TSHZ2: variants seen among roughly 807,000 people sequenced by gnomAD.
TSHZ2 encodes the protein teashirt zinc finger homeobox 2.
TSHZ2 carries 21 observed loss-of-function variants against 74.4 expected under a neutral mutation model. The observed-to-expected ratio is 0.28, with a 90% CI of 0.20 to 0.41. The LOEUF is 0.41. Ranked by LOEUF, TSHZ2 falls within the 10% of genes least tolerant of loss-of-function variation. The pLI is 1.00. For synonymous variants in TSHZ2, 540 were observed against 515.3 expected, an observed-to-expected ratio of 1.05 and a Z score of -0.65; for missense variants, 1,244 against 1,293.5, an observed-to-expected ratio of 0.96 and a Z score of 0.59.
chr20:53,341,045 C>A (rs1980178538), intron 2 of TSHZ2, among the ~76,000 whole-genome samples: 1 of 152,194 alleles, frequency 6.6e-6, no homozygotes, highest in Admixed American at 6.5e-5. Context: ...GATTTAGGAT[C>A]CTTCAGGCCA....
chr20:53,143,503 C>G (rs919552461), intron 1 of TSHZ2, among the ~76,000 whole-genome samples: 3 of 152,108 alleles, frequency 2.0e-5, no homozygotes, highest in Non-Finnish European at 4.4e-5. Context: ...ACCATCCTGG[C>G]TAACACAGTG....
chr20:53,057,115 G>A (rs1984666025), intron 1 of TSHZ2, among the ~76,000 whole-genome samples: 1 of 152,136 alleles, frequency 6.6e-6, no homozygotes, highest in Non-Finnish European at 1.5e-5. Context: ...TGTAAGATGT[G>A]CCTTTGCTCC....
intron 2 of TSHZ2, among the ~76,000 whole-genome samples, chr20:53,299,788 TG>T (rs111837565): frequency 0.1 from 15,808 of 152,198 alleles, 877 homozygotes; most frequent in Middle Eastern, 0.13. Flanking sequence ...TGTTCTTCCT[TG>T]GACAATTCAT....
At chr20:53,443,543 T>C (rs1055690164) in intron 2 of TSHZ2, among the ~76,000 whole-genome samples, 1 of 152,222 alleles carries the variant, frequency 6.6e-6, no homozygotes, top group Non-Finnish European at 1.5e-5. Context: ...CTTCCATCCA[T>C]GAGCCCTGGG....
At chr20:53,425,915 A>C (rs1469740340) in intron 2 of TSHZ2, among the ~76,000 whole-genome samples, 1 of 152,076 alleles carries the variant, frequency 6.6e-6, no homozygotes, top group Non-Finnish European at 1.5e-5. Flanking sequence ...GAACATGACA[A>C]AAAAGGGAAT....
intron 1 of TSHZ2, among the ~76,000 whole-genome samples, chr20:53,050,103 G>GTATATATA (rs71897861): frequency 5.1e-4 from 59 of 116,044 alleles, no homozygotes; most frequent in Middle Eastern, 4.5e-3. Context: ...GTATATGTGT[G>GTATATATA]TATATATATA....
chr20:53,029,675 C>G (rs1441718634), intron 1 of TSHZ2, among the ~76,000 whole-genome samples: 1 of 152,038 alleles, frequency 6.6e-6, no homozygotes, highest in Non-Finnish European at 1.5e-5. Context: ...GAATCTGTCT[C>G]AAAAAATTAA....
chr20:53,085,608 T>C (rs2123243755), intron 1 of TSHZ2, among the ~76,000 whole-genome samples: 1 of 152,276 alleles, frequency 6.6e-6, no homozygotes, highest in Non-Finnish European at 1.5e-5. Flanking sequence ...TTTGTATGCA[T>C]TGTACACTAG....
chr20:53,324,541 C>A (rs1398888418), intron 2 of TSHZ2, among the ~76,000 whole-genome samples: 1 of 152,042 alleles, frequency 6.6e-6, no homozygotes, highest in Non-Finnish European at 1.5e-5. Flanking sequence ...CTATGTCTAA[C>A]TCTTTGGTAT....
At chr20:53,072,994 C>T (rs1409752170) in intron 1 of TSHZ2, among the ~76,000 whole-genome samples, 3 of 151,390 alleles carry the variant, frequency 2.0e-5, no homozygotes, top group Non-Finnish European at 1.5e-5. Flanking sequence ...TCCCTTCATC[C>T]ATCCCTCCCT....
At chr20:52,987,238 C>T (rs955665501) in intron 1 of TSHZ2, among the ~76,000 whole-genome samples, 27 of 152,190 alleles carry the variant, frequency 1.8e-4, no homozygotes, top group African/African-American at 6.3e-4. Context: ...GGTTCTCAAC[C>T]TTTATTTGGT....
chr20:53,049,795 T>G (rs1462287408), intron 1 of TSHZ2, among the ~76,000 whole-genome samples: 5 of 151,916 alleles, frequency 3.3e-5, no homozygotes, highest in African/African-American at 7.3e-5. Context: ...CAATAGTAGG[T>G]ACTTTAGGCT....
At chr20:53,289,445 G>A (rs951764256) in intron 2 of TSHZ2, among the ~76,000 whole-genome samples, 1 of 152,066 alleles carries the variant, frequency 6.6e-6, no homozygotes, top group African/African-American at 2.4e-5. Flanking sequence ...GTGTTAAAGT[G>A]TTCCCTTTCT....
chr20:53,289,156 T>C (rs1991231586), intron 2 of TSHZ2, among the ~76,000 whole-genome samples: 1 of 151,482 alleles, frequency 6.6e-6, no homozygotes, highest in African/African-American at 2.4e-5. Context: ...CACTCCTTTT[T>C]ATGGCTGAGT....
At chr20:53,013,479 G>C (rs1229101614) in intron 1 of TSHZ2, among the ~76,000 whole-genome samples, 1 of 152,162 alleles carries the variant, frequency 6.6e-6, no homozygotes, top group East Asian at 1.9e-4. Flanking sequence ...AACAGGAAAG[G>C]GTCCTCAGCA....
chr20:53,436,514 A>C (rs1181668411), intron 2 of TSHZ2, among the ~76,000 whole-genome samples: 1 of 115,738 alleles, frequency 8.6e-6, no homozygotes, highest in East Asian at 2.7e-4. Flanking sequence ...CCCAGGGCTT[A>C]TTTTATTTAT....
intron 2 of TSHZ2, among the ~76,000 whole-genome samples, chr20:53,260,053 T>G (rs1458157397): frequency 6.7e-6 from 1 of 149,568 alleles, no homozygotes; most frequent in African/African-American, 2.5e-5. Context: ...CTTCTTTCCT[T>G]CCTTCCTTTT....
intron 2 of TSHZ2, among the ~76,000 whole-genome samples, chr20:53,278,869 T>C (rs1052277781): frequency 8.5e-5 from 13 of 152,182 alleles, no homozygotes; most frequent in African/African-American, 3.1e-4. Context: ...GCAGTGCTGA[T>C]CCTCTGCATA....
intron 2 of TSHZ2, among the ~76,000 whole-genome samples, chr20:53,291,472 C>CAAA (rs11478745): frequency 9.8e-6 from 1 of 101,724 alleles, no homozygotes. Context: ...GACTCTGTCT[C>CAAA]AAAAAAAAAA....
Sources: gnomAD v4.1 joint callset for allele counts (sites outside exome capture counted in the v4.1 genomes callset) on GRCh38, gnomAD v4.1.1 for gene constraint, MANE v1.5 for transcripts, NCBI Gene and HGNC (gene_info 2026-07-23, HGNC 2026-07-21) for gene names.